ULK2: variants seen among roughly 807,000 people sequenced by gnomAD.
ULK2 encodes unc-51 like autophagy activating kinase 2.
ULK2 carries 76 observed loss-of-function variants against 127.5 expected under a neutral mutation model. That is an observed-to-expected ratio of 0.60 (90% CI 0.50 to 0.72). The LOEUF is 0.72. ULK2 is among the 30% of genes least tolerant of loss of function. The pLI, the probability that ULK2 is intolerant of heterozygous loss-of-function variation, is 0.00. For synonymous variants in ULK2, 452 were observed against 461.9 expected, an observed-to-expected ratio of 0.98 and a Z score of 0.28; for missense variants, 1,144 against 1,295.9, an observed-to-expected ratio of 0.88 and a Z score of 1.80.
At chr17:19,807,278 G>T (rs577078578) in intron 14 of ULK2, among the ~76,000 whole-genome samples, 1 of 152,252 alleles carries the variant, frequency 6.6e-6, no homozygotes, top group African/African-American at 2.4e-5. Context: ...GTGGCACACA[G>T]GCACACAGCT....
rs371674542 is a variant in ULK2 at position 19,850,561 on chromosome 17, T to TCA, written c.226-789_226-788dup. 4.3e-3 allele frequency among the ~76,000 whole-genome samples: 653 copies of TCA among 152,260 alleles called. 4 individuals are homozygous for TCA. The highest frequency in any genetic ancestry group is 0.015 in the African/African-American group (627 of 41,548). ...ATAGCTTTTGGCCAGGCGCGGTGGC[T>TCA]CACGTCTGTAATCCCAGCACTTTGG... is the stretch of plus-strand genomic sequence containing the variant. On this transcript the variant is annotated intron_variant, in intron 3 of 26. Transcript: ENST00000395544.
chr17:19,779,721 C>G (rs1303360755), intron 25 of ULK2, among the ~76,000 whole-genome samples: 1 of 151,948 alleles, frequency 6.6e-6, no homozygotes, highest in Admixed American at 6.6e-5. Flanking sequence ...TACTTTGTGT[C>G]TATCCTACAA....
At chr17:19,866,736 G>C (rs2042358691) in intron 1 of ULK2, among the ~76,000 whole-genome samples, 1 of 152,130 alleles carries the variant, frequency 6.6e-6, no homozygotes, top group African/African-American at 2.4e-5. Flanking sequence ...GCTTAAAGGT[G>C]ATTTCATGTT....
At chr17:19,814,438 A>ATTTTTTTTTTTTTTTTTTT in intron 13 of ULK2, among the ~76,000 whole-genome samples, 1 of 23,334 alleles carries the variant, frequency 4.3e-5, no homozygotes, top group Non-Finnish European at 7.6e-5. Context: ...ATATATATAT[A>ATTTTTTTTTTTTTTTTTTT]TTTTTTTTTT....
intron 12 of ULK2, among the ~76,000 whole-genome samples, chr17:19,817,526 G>A (rs138541780): frequency 2.6e-5 from 4 of 152,238 alleles, no homozygotes; most frequent in Non-Finnish European, 5.9e-5. Flanking sequence ...TAGTTGATTT[G>A]TTAGTAGGAG....
intron 22 of ULK2, among the ~76,000 whole-genome samples, chr17:19,783,441 G>A (rs2086962301): frequency 6.6e-6 from 1 of 151,990 alleles, no homozygotes; most frequent in African/African-American, 2.4e-5. Context: ...GACAGAGCAA[G>A]ACTCTGTCTC....
At chr17:19,840,286 C>G (rs1347713455) in intron 9 of ULK2, 3 of 526,228 alleles carry the variant, frequency 5.7e-6, no homozygotes, top group Non-Finnish European at 1.2e-5. Context: ...TACAACAACC[C>G]CAACCGCAGA....
chr17:19,783,817 G>A lies in ULK2; in HGVS notation c.2340C>T (p.Ser780=), dbSNP rs56181782. 5.0e-3 allele frequency: 8,058 copies of A among 1,602,896 alleles called. 42 individuals carry two copies. The highest frequency in any genetic ancestry group is 6.3e-3 in the Non-Finnish European group (7,423 of 1,174,376). Residue 780 remains serine, a synonymous_variant, in exon 22 of 27, where the codon TCC becomes TCT. Transcript: ENST00000395544. ...GSPPGPGFGS[S]PPGAEAAPSL... is the part of the protein sequence containing the mutation. ...TGGGAGCTGCCTCTGCTCCTGGAGG[G>A]GAAGAGCCGAAGCCTGGGCCAGGCG...
chr17:19,832,766 A>T (rs2041491391), intron 10 of ULK2, among the ~76,000 whole-genome samples: 1 of 152,210 alleles, frequency 6.6e-6, no homozygotes, highest in Non-Finnish European at 1.5e-5. Flanking sequence ...AGATAAATCA[A>T]TGTTCAAAAA....
intron 23 of ULK2, 131 bp downstream of exon 23, chr17:19,781,758 A>G: frequency 2.8e-6 from 3 of 1,071,874 alleles, no homozygotes; most frequent in Middle Eastern, 3.1e-4. Flanking sequence ...AATGTAGTAC[A>G]AAGAAATAAT....
At chr17:19,848,104 A>G (rs541132221) in intron 5 of ULK2, among the ~76,000 whole-genome samples, 1 of 152,342 alleles carries the variant, frequency 6.6e-6, no homozygotes, top group South Asian at 2.1e-4. Context: ...TAAAATTGGA[A>G]CAATACAGAG....
chr17:19,848,547 G>C lies in ULK2; in HGVS notation c.295+822C>G, dbSNP rs550642211. Among the ~76,000 whole-genome samples the C allele has an allele frequency of 7.9e-5, 12 of 152,266 alleles. No homozygotes were observed. In the South Asian group the frequency reaches 2.5e-3, roughly 32 times the overall value. On this transcript the variant is annotated intron_variant, in intron 5 of 26. Transcript: ENST00000395544. Reference sequence around the variant, plus strand: ...TAATCCCAGCACTTTGGGAGGCTGAGGCGGGCCGATCACGAGGTCAGGAGT... The same window carrying C: ...TAATCCCAGCACTTTGGGAGGCTGACGCGGGCCGATCACGAGGTCAGGAGT...
At chr17:19,835,686 CAGCCTGGGTGAT>C (rs1437568639) in intron 10 of ULK2, among the ~76,000 whole-genome samples, 1 of 150,286 alleles carries the variant, frequency 6.7e-6, no homozygotes, top group Non-Finnish European at 1.5e-5. Flanking sequence ...CACTGCACTC[CAGCCTGGGTGAT>C]AGAGCAAGAC....
chr17:19,829,838 CAAA>C (rs60131689), intron 10 of ULK2, among the ~76,000 whole-genome samples: 1 of 120,624 alleles, frequency 8.3e-6, no homozygotes, highest in African/African-American at 3.5e-5. Flanking sequence ...GACTCCATTT[CAAA>C]AAAAAAAAAA....
intron 3 of ULK2, among the ~76,000 whole-genome samples, chr17:19,850,274 G>C (rs2041984143): frequency 6.6e-6 from 1 of 152,048 alleles, no homozygotes. Context: ...ATGTTTATTT[G>C]GGGCAATCGC....
At chr17:19,840,695 G>A (rs1376547057) in intron 9 of ULK2, among the ~76,000 whole-genome samples, 4 of 150,286 alleles carry the variant, frequency 2.7e-5, no homozygotes. Context: ...TGGCCAACAT[G>A]GTGAAACTCC....
At chr17:19,851,506 G>A (rs2152399889) in intron 3 of ULK2, among the ~76,000 whole-genome samples, 1 of 151,780 alleles carries the variant, frequency 6.6e-6, no homozygotes, top group South Asian at 2.1e-4. Context: ...CGGGCGTGGT[G>A]GTGCACGCCT....
chr17:19,860,071 T>A (rs1320656833), intron 3 of ULK2, among the ~76,000 whole-genome samples: 1 of 152,216 alleles, frequency 6.6e-6, no homozygotes, highest in East Asian at 1.9e-4. Flanking sequence ...TAAAACAAGT[T>A]GCATTTCTGT....
chr17:19,814,175 G>A (rs1187117361), intron 13 of ULK2, among the ~76,000 whole-genome samples: 1 of 151,634 alleles, frequency 6.6e-6, no homozygotes, highest in African/African-American at 2.4e-5. Context: ...TAATAAATAG[G>A]ACATGTGACT....
Sources: gnomAD v4.1 joint callset for allele counts (sites outside exome capture counted in the v4.1 genomes callset) on GRCh38, gnomAD v4.1.1 for gene constraint, MANE v1.5 for transcripts, NCBI Gene and HGNC (gene_info 2026-07-23, HGNC 2026-07-21) for gene names.